CHST8: variants seen among roughly 807,000 people sequenced by gnomAD.
CHST8 encodes carbohydrate sulfotransferase 8, also known as GALNAC-4-ST1.
CHST8 carries 10 observed loss-of-function variants against 15.0 expected under a neutral mutation model. The ratio of observed to expected loss-of-function variants is 0.67; its 90% CI spans 0.41 to 1.13. The LOEUF is 1.13. Among genes scored for constraint, CHST8 ranks in the 50% most tolerant of loss-of-function variants. The pLI, the probability that CHST8 is intolerant of heterozygous loss-of-function variation, is 0.00. For missense variants in CHST8, 634 were observed against 608.2 expected, an observed-to-expected ratio of 1.04 and a Z score of -0.45; for synonymous variants, 259 against 256.6, an observed-to-expected ratio of 1.01 and a Z score of -0.09.
chr19:33,756,209 G>A (rs1446315754), intron 3 of CHST8, among the ~76,000 whole-genome samples: 4 of 152,198 alleles, frequency 2.6e-5, no homozygotes, highest in Admixed American at 6.5e-5. Context: ...CATGAAGATC[G>A]TGAAAATAAC....
At position 33,772,571 on chromosome 19, in the gene CHST8, C is replaced by G; in HGVS notation, c.783C>G (p.Phe261Leu). 3 of 1,614,108 alleles carry G rather than the reference C, an allele frequency of 1.9e-6. No homozygotes were observed. Among genetic ancestry groups the G allele is most frequent in the Non-Finnish European group, 2.5e-6 (3 of 1,180,042 alleles). The change falls in exon 5 of 5, where the codon TTC becomes TTG. Residue 261 changes from phenylalanine to leucine, a missense_variant. Phe to Leu is a conservative substitution (Grantham distance 22). Coordinates refer to ENST00000650847, the MANE Select transcript of CHST8 (RefSeq NM_001127895.2). ...YTKMLFVREP[F>L]ERLVSAFRDK... ...AGATGCTCTTTGTCCGCGAGCCCTTCGAGAGGCTGGTGTCCGCCTTCCGCG... is the reference window on the plus strand; with the variant it reads ...AGATGCTCTTTGTCCGCGAGCCCTTGGAGAGGCTGGTGTCCGCCTTCCGCG...
chr19:33,758,958 G>A (rs1036682211), intron 3 of CHST8, among the ~76,000 whole-genome samples: 1 of 152,152 alleles, frequency 6.6e-6, no homozygotes, highest in Non-Finnish European at 1.5e-5. Flanking sequence ...TTTACTCATG[G>A]CAGCGGGCAA....
At chr19:33,657,270 C>CTT (rs60317430) in intron 1 of CHST8, among the ~76,000 whole-genome samples, 1 of 140,460 alleles carries the variant, frequency 7.1e-6, no homozygotes. Context: ...CACACACACA[C>CTT]TTTTTTTTTT....
chr19:33,636,998 G>A (rs1165914416), intron 1 of CHST8, among the ~76,000 whole-genome samples: 2 of 152,232 alleles, frequency 1.3e-5, no homozygotes, highest in Non-Finnish European at 2.9e-5. Flanking sequence ...GTTATTTCTT[G>A]ATGATACGCA....
intron 1 of CHST8, among the ~76,000 whole-genome samples, chr19:33,647,220 G>T (rs919562687): frequency 1.4e-4 from 22 of 152,182 alleles, no homozygotes; most frequent in African/African-American, 5.1e-4. Context: ...ATATTCCAAC[G>T]CGAAGACTCC....
chr19:33,724,497 C>T (rs112034874), intron 3 of CHST8, among the ~76,000 whole-genome samples: 11,375 of 152,300 alleles, frequency 0.075, 603 homozygotes, highest in Middle Eastern at 0.13. Flanking sequence ...CCGGGCTGCT[C>T]TTCCCAGGCT....
intron 3 of CHST8, among the ~76,000 whole-genome samples, chr19:33,721,348 G>A (rs1046823382): frequency 6.6e-6 from 1 of 152,110 alleles, no homozygotes; most frequent in Non-Finnish European, 1.5e-5. Flanking sequence ...CAGAGCCCAG[G>A]TATCTTCCTA....
At chr19:33,769,870 A>T (rs888204095) in intron 3 of CHST8, among the ~76,000 whole-genome samples, 7 of 152,226 alleles carry the variant, frequency 4.6e-5, no homozygotes, top group African/African-American at 1.7e-4. Context: ...CCCTTTGCCC[A>T]GGGGAGAGCA....
At chr19:33,724,552 G>A (rs1234584722) in intron 3 of CHST8, among the ~76,000 whole-genome samples, 1 of 152,208 alleles carries the variant, frequency 6.6e-6, no homozygotes, top group Non-Finnish European at 1.5e-5. Context: ...CTGCAGCCTG[G>A]AGGACACGCC....
intron 3 of CHST8, among the ~76,000 whole-genome samples, chr19:33,744,658 C>T (rs777260071): frequency 4.6e-5 from 7 of 152,084 alleles, no homozygotes; most frequent in Admixed American, 2.6e-4. Context: ...ATGAACTCTT[C>T]GGCTCAAGCA....
At chr19:33,632,808 G>T (rs576084803) in intron 1 of CHST8, among the ~76,000 whole-genome samples, 1 of 151,632 alleles carries the variant, frequency 6.6e-6, no homozygotes, top group South Asian at 2.1e-4. Flanking sequence ...TCACTCTATC[G>T]CCCAGGCTGA....
intron 3 of CHST8, among the ~76,000 whole-genome samples, chr19:33,727,116 C>G (rs574940507): frequency 6.6e-6 from 1 of 151,966 alleles, no homozygotes; most frequent in Non-Finnish European, 1.5e-5. Context: ...CTTCTGGCCA[C>G]GCGTCCTGCT....
At chr19:33,741,304 A>G (rs1974188000) in intron 3 of CHST8, among the ~76,000 whole-genome samples, 2 of 147,738 alleles carry the variant, frequency 1.4e-5, no homozygotes, top group Non-Finnish European at 1.5e-5. Flanking sequence ...GTTCCCTGGA[A>G]AGCAGACTGA....
At position 33,696,115 on chromosome 19, in the gene CHST8, C is replaced by T. The variant is rs143583314; in HGVS notation, c.130+6724C>T. Among the ~76,000 whole-genome samples the T allele has an allele frequency of 5.2e-3, 798 of 152,168 alleles. 3 individuals are homozygous for T. The highest frequency in any genetic ancestry group is 0.014 in the African/African-American group (596 of 41,518). On this transcript the variant is annotated intron_variant, in intron 3 of 4. Coordinates refer to ENST00000650847, the MANE Select transcript of CHST8 (RefSeq NM_001127895.2). The stretch of plus-strand genomic sequence containing the variant: ...TGCTGGGATTGCAGGCGTGAGCCAC[C>T]GCACCCGGTCACCACATTTTCTTTA...
intron 1 of CHST8, among the ~76,000 whole-genome samples, chr19:33,634,702 G>C (rs1260242607): frequency 2.1e-5 from 2 of 93,718 alleles, no homozygotes; most frequent in South Asian, 3.4e-4. Context: ...AAAAAAAAAA[G>C]CATGGATGCT....
At chr19:33,663,668 C>G (rs145296162) in intron 1 of CHST8, among the ~76,000 whole-genome samples, 1 of 152,058 alleles carries the variant, frequency 6.6e-6, no homozygotes. Flanking sequence ...GCCAGGAGTT[C>G]GAGACCATCC....
chr19:33,648,858 T>G (rs1433558008), intron 1 of CHST8, among the ~76,000 whole-genome samples: 1 of 151,256 alleles, frequency 6.6e-6, no homozygotes, highest in Non-Finnish European at 1.5e-5. Context: ...AATGTGTATA[T>G]CTGTACAATG....
rs1193931561 is a variant in CHST8, at chr19:33,622,045, G to C, written c.-415G>C. The C allele has an allele frequency of 1.3e-5, 2 of 152,118 alleles. No individual in the cohort carries two copies. Among genetic ancestry groups the C allele is most frequent in the Non-Finnish European group, 2.9e-5 (2 of 68,076 alleles). The allele number at this position is 152,118 out of a possible 1,614,324, so 9.4% of individuals were successfully genotyped here. A position where few individuals can be genotyped will look rare whatever the true frequency, so the allele number is the denominator to read the frequency against. On this transcript the variant is annotated 5_prime_UTR_variant, in exon 1 of 5. Transcript: ENST00000650847. ...GGCGGCGGCGGCAGCAGGAGGTGGG[G>C]GACCGATCGCGCCGGGGGCCGAAGA...
chr19:33,749,790 A>C (rs1464625669), intron 3 of CHST8, among the ~76,000 whole-genome samples: 2 of 152,012 alleles, frequency 1.3e-5, no homozygotes, highest in Non-Finnish European at 2.9e-5. Flanking sequence ...CTCCAAAGGG[A>C]GGAAGGACAT....
Sources: allele counts gnomAD v4.1 joint callset (sites outside exome capture counted in the v4.1 genomes callset), GRCh38; gene constraint gnomAD v4.1.1; transcripts MANE v1.5; gene names NCBI Gene and HGNC (gene_info 2026-07-23, HGNC 2026-07-21).